SBNO2: variants seen among roughly 807,000 people sequenced by gnomAD.
SBNO2 encodes the protein strawberry notch homolog 2.
SBNO2 carries 89 observed loss-of-function variants against 146.3 expected under a neutral mutation model. That is an observed-to-expected ratio of 0.61 (90% CI 0.51 to 0.73). SBNO2 has a LOEUF of 0.73. SBNO2 is among the 30% of genes least tolerant of loss of function. The pLI is 0.00. For missense variants in SBNO2, 2,092 were observed against 2,003.7 expected (o/e 1.04, Z -0.84); for synonymous variants, 1,147 against 892.6 (o/e 1.29, Z -5.08).
At chr19:1,130,205 G>A (rs1006824070) in intron 4 of SBNO2, among the ~76,000 whole-genome samples, 3 of 152,220 alleles carry the variant, frequency 2.0e-5, no homozygotes, top group Admixed American at 2.0e-4. Context: ...GGAGTTAACG[G>A]TGGCGTACGG....
Position 1,126,527 on chromosome 19 carries a change from C to T in SBNO2, c.441+1077G>A, listed in dbSNP as rs1489160279. 1.3e-5 allele frequency among the ~76,000 whole-genome samples: 2 copies of T among 152,116 alleles called. No individual in the cohort carries two copies. The highest frequency in any genetic ancestry group is 1.3e-4 in the Admixed American group (2 of 15,274). On this transcript the variant is annotated intron_variant, in intron 5 of 31. Coordinates refer to ENST00000361757, the MANE Select transcript of SBNO2 (RefSeq NM_014963.3). This position sits in a 1 kb window ranked among gnomAD's most constrained non-coding sequence, Gnocchi z 4.4. The stretch of plus-strand genomic sequence containing the variant: ...CCAGAGGGACCAAGCCTGAGCCGCC[C>T]ACCATGGCTGCGGGGTGCCCTGATG...
chr19:1,108,389 T>C lies in SBNO2; in HGVS notation c.3932A>G (p.Asn1311Ser). 1 of 1,285,908 alleles carries C rather than the reference T, an allele frequency of 7.8e-7. No individual in the cohort carries two copies. 79.7% of individuals were successfully genotyped at this position (1,285,908 alleles called of 1,614,324 possible). A position where few individuals can be genotyped will look rare whatever the true frequency, so the allele number is the denominator to read the frequency against. ...CATGTCCTCCAGCACCTCCTTGAAGTTGATGTCGCAGCCCTGGTGCGCGAG... is the reference window on the plus strand; with the variant it reads ...CATGTCCTCCAGCACCTCCTTGAAGCTGATGTCGCAGCCCTGGTGCGCGAG... ...AALAHQGCDINFKEVLEDMLR... is the reference protein window; with the variant it reads ...AALAHQGCDISFKEVLEDMLR... Residue 1311 changes from asparagine (N) to serine (S), a missense_variant, in exon 32 of 32, where the codon AAC (asparagine) becomes AGC (serine). Transcript: ENST00000361757.
At chr19:1,164,688 AG>A (rs1266823947) in intron 1 of SBNO2, among the ~76,000 whole-genome samples, 3 of 96,842 alleles carry the variant, frequency 3.1e-5, no homozygotes, top group Admixed American at 1.2e-4. Context: ...GAGGAGGAGG[AG>A]GAGGAAGAAC....
rs758349061 is a variant in SBNO2, at chr19:1,112,374, G to C, written c.2515+28C>G. The C allele has an allele frequency of 5.1e-6, 8 of 1,581,992 alleles. No individual in the cohort carries two copies. The highest frequency in any genetic ancestry group is 6.9e-6 in the Non-Finnish European group (8 of 1,167,640). ...GAGACCATGTTGGGGGCGGGGCCAG[G>C]CAGCGCTGGGGGCGGGGCCGGACTC... On this transcript the variant is annotated intron_variant, in intron 21 of 31. Coordinates refer to ENST00000361757, the MANE Select transcript of SBNO2 (RefSeq NM_014963.3). The surrounding 1 kb of genome is among the most constrained non-coding windows in gnomAD (Gnocchi z 5.9).
At chr19:1,147,159 C>T in intron 4 of SBNO2, 150 bp downstream of exon 4, 4 of 576,190 alleles carry the variant, frequency 6.9e-6, no homozygotes, top group Non-Finnish European at 1.2e-5. Flanking sequence ...TGGGCTCCTA[C>T]TGCCCCACCG....
rs778028444 is a variant in SBNO2 at position 1,136,309 on chromosome 19, G to A, written c.280-8544C>T. On this transcript the variant is annotated intron_variant, in intron 4 of 31. Transcript: ENST00000361757. This position sits in a 1 kb window ranked among gnomAD's most constrained non-coding sequence, Gnocchi z 4.2. The stretch of plus-strand genomic sequence containing the variant: ...CACAGCAGCCCTGGGAGGCTGGCAC[G>A]GCTCCCCAGGAAACTGGGCTCCCTT... 6.6e-6 allele frequency among the ~76,000 whole-genome samples: 1 copy of A among 152,212 alleles called. No homozygotes were observed. Among genetic ancestry groups the A allele is most frequent in the South Asian group, 2.1e-4 (1 of 4,834 alleles).
In SBNO2 at chr19:1,108,102, G is replaced by T. The variant is rs775688482; in HGVS notation, c.*118C>A. 1.0e-5 allele frequency: 12 copies of T among 1,172,080 alleles called. No individual in the cohort carries two copies. The highest frequency in any genetic ancestry group is 5.0e-5 in the African/African-American group (3 of 59,446). The allele number at this position is 1,172,080 out of a possible 1,614,324, so 72.6% of individuals were successfully genotyped here. A position where few individuals can be genotyped will look rare whatever the true frequency, so the allele number is the denominator to read the frequency against. The stretch of plus-strand genomic sequence containing the variant: ...CCGGGTCGGGCGCTGAAGGCACTGC[G>T]GCCAGGGCCTAGGGCTCCTCTGAGC... On this transcript the variant is annotated 3_prime_UTR_variant, in exon 32 of 32. Coordinates refer to ENST00000361757, the MANE Select transcript of SBNO2 (RefSeq NM_014963.3).
intron 1 of SBNO2, among the ~76,000 whole-genome samples, chr19:1,155,435 G>A (rs1315057485): frequency 6.6e-6 from 1 of 152,330 alleles, no homozygotes; most frequent in South Asian, 2.1e-4. Context: ...GCCTCTGCCT[G>A]CTCCCTGCAG....
chr19:1,170,935 TG>T (rs1246869048), intron 1 of SBNO2, among the ~76,000 whole-genome samples: 61 of 147,698 alleles, frequency 4.1e-4, no homozygotes, highest in African/African-American at 1.3e-3. Context: ...AACACACACA[TG>T]AGCACACACA....
chr19:1,120,298 G>T lies in SBNO2; in HGVS notation c.1150-275C>A, dbSNP rs537147813. Among the ~76,000 whole-genome samples, 6 of 152,356 alleles carry T rather than the reference G, an allele frequency of 3.9e-5. No individual in the cohort carries two copies. In the South Asian group the frequency reaches 1.2e-3, roughly 32 times the overall value. On this transcript the variant is annotated intron_variant, in intron 11 of 31. Transcript: ENST00000361757. Reference sequence around the variant, plus strand: ...CGAGGATGGGGCCTCCGGCGAGGAAGGGTGGGATCCCTAAACCATGATATC... The same window carrying T: ...CGAGGATGGGGCCTCCGGCGAGGAATGGTGGGATCCCTAAACCATGATATC...
rs1163080772 is a variant in SBNO2, at chr19:1,172,787, G to GC, written c.-127+1384dup. ...AACACTCACTGCAACCGCCCCCCCC[G>GC]CCCCGGCAAACTGGCAGCCAGCATC... On this transcript the variant is annotated intron_variant, in intron 1 of 31. Transcript: ENST00000361757. 8.9e-3 allele frequency among the ~76,000 whole-genome samples: 413 copies of GC among 46,216 alleles called. 46 individuals carry two copies. The highest frequency in any genetic ancestry group is 0.06 in the African/African-American group (370 of 6,172). The allele number at this position is 46,216 out of a possible 152,430, so 30.3% of individuals were successfully genotyped here.
Position 1,144,565 on chromosome 19 carries a change from G to A in SBNO2, c.279+2744C>T, listed in dbSNP as rs2080168592. Among the ~76,000 whole-genome samples the A allele has an allele frequency of 6.6e-6, 1 of 152,064 alleles. No homozygotes were observed. The highest frequency in any genetic ancestry group is 2.4e-5 in the African/African-American group (1 of 41,406). ...AGACAGAGACATGGAGAGAGACAGA[G>A]ACAGGGAGACAGAGACGCAGAGACA... On this transcript the variant is annotated intron_variant, in intron 4 of 31. Transcript: ENST00000361757. The surrounding 1 kb of genome is among the most constrained non-coding windows in gnomAD (Gnocchi z 4.1).
chr19:1,156,409 G>T (rs751311815), intron 1 of SBNO2, among the ~76,000 whole-genome samples: 2 of 152,156 alleles, frequency 1.3e-5, no homozygotes, highest in Non-Finnish European at 2.9e-5. Context: ...AACCAACCAA[G>T]AGTCAGGGCC....
chr19:1,167,612 G>C (rs1306915238), intron 1 of SBNO2, among the ~76,000 whole-genome samples: 1 of 152,172 alleles, frequency 6.6e-6, no homozygotes, highest in African/African-American at 2.4e-5. Context: ...GCTGGAGAAG[G>C]GTCCCACGCA....
rs758842079 is a variant in SBNO2 at position 1,122,947 on chromosome 19, C to T, written c.727G>A (p.Asp243Asn). Reference sequence around the variant, plus strand: ...TGCAGGGCAGACAGGGCCCCGCTGTCCGAGGGCAGGGCCAGGGTGTAGGTG... The same window carrying T: ...TGCAGGGCAGACAGGGCCCCGCTGTTCGAGGGCAGGGCCAGGGTGTAGGTG... ...DITYTLALPSDSGALSALQLE... is the reference protein window; with the variant it reads ...DITYTLALPSNSGALSALQLE... The change falls in exon 8 of 32, where the codon GAC becomes AAC. Residue 243 changes from aspartate (D) to asparagine (N), a missense_variant. Asp to Asn is a conservative substitution (Grantham distance 23). Transcript: ENST00000361757. 1 of 1,562,834 alleles carries T rather than the reference C, an allele frequency of 6.4e-7. No individual in the cohort carries two copies. The highest frequency in any genetic ancestry group is 8.7e-7 in the Non-Finnish European group (1 of 1,154,262).
At position 1,108,980 on chromosome 19, in the gene SBNO2, G is replaced by C. The variant is rs1367084657; in HGVS notation, c.3426-11C>G. ...CGGCAGTGCCGGTTCCTGCGGACGA[G>C]ACGGGTCGTCTCGGCTCAGGCGGGT... is the stretch of plus-strand genomic sequence containing the variant. On this transcript the variant is annotated splice_polypyrimidine_tract_variant and intron_variant, in intron 30 of 31. Coordinates refer to ENST00000361757, the MANE Select transcript of SBNO2 (RefSeq NM_014963.3). The C allele has an allele frequency of 6.6e-7, 1 of 1,511,930 alleles. No homozygotes were observed. 93.7% of individuals were successfully genotyped at this position (1,511,930 alleles called of 1,614,324 possible).
intron 18 of SBNO2, 107 bp from the exon 19 acceptor site, chr19:1,113,811 C>T (rs1317766496): frequency 1.5e-5 from 20 of 1,335,054 alleles, no homozygotes; most frequent in Middle Eastern, 2.7e-4. Flanking sequence ...CCGGGGCAAC[C>T]CTGAGGGACG....
Position 1,147,293 on chromosome 19 carries a change from C to A in SBNO2, c.279+16G>T. 6.5e-7 allele frequency: 1 copy of A among 1,549,624 alleles called. No homozygotes were observed. The highest frequency in any genetic ancestry group is 1.4e-5 in the African/African-American group (1 of 71,966). The stretch of plus-strand genomic sequence containing the variant: ...ACCCTGCCCCCCACGGCGCGGTGAG[C>A]TCCTGGGGCTCCTACCTGAGCAAAG... On this transcript the variant is annotated intron_variant, in intron 4 of 31. Coordinates refer to ENST00000361757, the MANE Select transcript of SBNO2 (RefSeq NM_014963.3).
Position 1,118,292 on chromosome 19 carries a change from C to T in SBNO2, c.1527+719G>A, listed in dbSNP as rs540215357. ...GGCGGAGGTTGCGGTGAGCCAAGAT[C>T]GTGCCATTGCACTCCAGCCTGGGCA... On this transcript the variant is annotated intron_variant, in intron 14 of 31. Coordinates refer to ENST00000361757, the MANE Select transcript of SBNO2 (RefSeq NM_014963.3). Among the ~76,000 whole-genome samples the T allele has an allele frequency of 6.5e-4, 99 of 151,970 alleles. 2 individuals are homozygous for T. The highest frequency in any genetic ancestry group is 1.5e-4 in the Non-Finnish European group (10 of 67,956).
Sources: allele counts gnomAD v4.1 joint callset (sites outside exome capture counted in the v4.1 genomes callset), GRCh38; gene constraint gnomAD v4.1.1; non-coding constraint Gnocchi (gnomAD v3.1); transcripts MANE v1.5; gene names NCBI Gene and HGNC (gene_info 2026-07-23, HGNC 2026-07-21).